The following PPARD variants were observed in gnomAD, a reference collection of about 807,000 sequenced individuals.
PPARD encodes the protein peroxisome proliferator activated receptor delta.
In PPARD, 6 loss-of-function variants were observed where a neutral mutation model predicts 39.5. The ratio of observed to expected loss-of-function variants is 0.15; its 90% CI spans 0.08 to 0.30. The LOEUF (loss-of-function observed/expected upper bound fraction) is 0.30. Among genes scored for constraint, PPARD ranks in the 10% least tolerant of loss-of-function variants. PPARD has a pLI of 1.00. For missense variants in PPARD, 397 were observed against 596.8 expected (o/e 0.67, Z 3.49); for synonymous variants, 210 against 231.3 (o/e 0.91, Z 0.83).
At chr6:35,367,080 C>T (rs1023366305) in intron 2 of PPARD, among the ~76,000 whole-genome samples, 2 of 152,050 alleles carry the variant, frequency 1.3e-5, no homozygotes, top group South Asian at 2.1e-4. Flanking sequence ...AGGTTTTGTC[C>T]GTTCCCTGGA....
Position 35,424,187 on chromosome 6 carries a change from C to T in PPARD, c.627+39C>T, listed in dbSNP as rs2150858766. ...CTGCTTGGCCTGGCAGCATCCTGGG[C>T]TCTGGGTCCCACTGCCGCCTGCCTG... On this transcript the variant is annotated intron_variant, in intron 6 of 7. Coordinates refer to ENST00000360694, the MANE Select transcript of PPARD (RefSeq NM_006238.5). The surrounding 1 kb of genome is among the most constrained non-coding windows in gnomAD (Gnocchi z 7.1). 6.2e-7 allele frequency: 1 copy of T among 1,607,554 alleles called. No homozygotes were observed. The highest frequency in any genetic ancestry group is 8.5e-7 in the Non-Finnish European group (1 of 1,177,660).
At position 35,426,983 on chromosome 6, in the gene PPARD, G is replaced by A. The variant is rs1270809392; in HGVS notation, c.*904G>A. 1.3e-5 allele frequency: 2 copies of A among 152,450 alleles called. No homozygotes were observed. Among genetic ancestry groups the A allele is most frequent in the Admixed American group, 6.5e-5 (1 of 15,292 alleles). The allele number at this position is 152,450 out of a possible 1,614,324, so 9.4% of individuals were successfully genotyped here. A position where few individuals can be genotyped will look rare whatever the true frequency, so the allele number is the denominator to read the frequency against. On this transcript the variant is annotated 3_prime_UTR_variant, in exon 8 of 8. Coordinates refer to ENST00000360694, the MANE Select transcript of PPARD (RefSeq NM_006238.5). ...TGAAGAGGAGCAAGTCTCAAGAGAA[G>A]GAGGGGGGATTGGTGGTTGGAGGAA...
chr6:35,350,612 C>CTTTTTTTTT lies in PPARD; in HGVS notation c.-102+3476_-102+3484dup, dbSNP rs959545502. ...TATTCTGTTCCATTGGTCTATGTGT[C>CTTTTTTTTT]TTTTTTTTTTTTTTTTTTTTTTCTC... On this transcript the variant is annotated intron_variant, in intron 2 of 7. Coordinates refer to ENST00000360694, the MANE Select transcript of PPARD (RefSeq NM_006238.5). Among the ~76,000 whole-genome samples, 14 of 104,588 alleles carry CTTTTTTTTT rather than the reference C, an allele frequency of 1.3e-4. 1 individual carries two copies. The highest frequency in any genetic ancestry group is 2.1e-4 in the African/African-American group (5 of 23,714). The allele number at this position is 104,588 out of a possible 152,430, so 68.6% of individuals were successfully genotyped here.
At position 35,424,060 on chromosome 6, in the gene PPARD, A is replaced by G; in HGVS notation, c.539A>G (p.Lys180Arg). The G allele has an allele frequency of 6.2e-7, 1 of 1,614,188 alleles. No homozygotes were observed. Among genetic ancestry groups the G allele is most frequent in the Non-Finnish European group, 8.5e-7 (1 of 1,180,046 alleles). Reference protein sequence around the residue: ...PQVADLKAFSKHIYNAYLKNF... With the variant: ...PQVADLKAFSRHIYNAYLKNF... ...GTGGCCGACCTGAAGGCCTTCTCCA[A>G]GCACATCTACAATGCCTACCTGAAA... is the stretch of plus-strand genomic sequence containing the variant. Residue 180 changes from lysine to arginine, a missense_variant, in exon 6 of 8, where the codon AAG becomes AGG. Transcript: ENST00000360694. This position sits in a 1 kb window ranked among gnomAD's most constrained non-coding sequence, Gnocchi z 7.1.
intron 2 of PPARD, among the ~76,000 whole-genome samples, chr6:35,350,437 G>A (rs1333619288): frequency 6.6e-6 from 1 of 151,626 alleles, no homozygotes; most frequent in Non-Finnish European, 1.5e-5. Flanking sequence ...ATGGCAAGAG[G>A]TAGGGGTCTA....
At chr6:35,387,576 C>T (rs1054112817) in intron 2 of PPARD, among the ~76,000 whole-genome samples, 1 of 151,326 alleles carries the variant, frequency 6.6e-6, no homozygotes, top group Non-Finnish European at 1.5e-5. Flanking sequence ...CTCTCATGTG[C>T]GTGTGTTTTT....
At position 35,425,543 on chromosome 6, in the gene PPARD, C is replaced by T; in HGVS notation, c.1079-289C>T. 1.2e-6 allele frequency: 1 copy of T among 822,730 alleles called. No homozygotes were observed. Among genetic ancestry groups the T allele is most frequent in the Non-Finnish European group, 1.8e-6 (1 of 569,116 alleles). The allele number at this position is 822,730 out of a possible 1,614,324, so 51.0% of individuals were successfully genotyped here. On this transcript the variant is annotated intron_variant, in intron 7 of 7. Transcript: ENST00000360694. This position sits in a 1 kb window ranked among gnomAD's most constrained non-coding sequence, Gnocchi z 4.5. The stretch of plus-strand genomic sequence containing the variant: ...GAGAGGCTGAATGACCTGCCTATAG[C>T]CTCACAGGCAGACACAGGATTTGAA...
At chr6:35,354,151 G>A (rs993125550) in intron 2 of PPARD, among the ~76,000 whole-genome samples, 2 of 142,788 alleles carry the variant, frequency 1.4e-5, no homozygotes, top group African/African-American at 5.3e-5. Context: ...AGAATGGCAT[G>A]AACCCGGGAG....
intron 2 of PPARD, among the ~76,000 whole-genome samples, chr6:35,409,760 G>A (rs1765302151): frequency 6.6e-6 from 1 of 152,148 alleles, no homozygotes; most frequent in South Asian, 2.1e-4. Flanking sequence ...CCAAGCAAGG[G>A]AAGGCCTGGT....
In PPARD at chr6:35,366,759, AG is replaced by A. The variant is rs548027704; in HGVS notation, c.-102+19611del. On this transcript the variant is annotated intron_variant, in intron 2 of 7. Coordinates refer to ENST00000360694, the MANE Select transcript of PPARD (RefSeq NM_006238.5). The surrounding 1 kb of genome is among the most constrained non-coding windows in gnomAD (Gnocchi z 4.6). ...GAAATGGGGTTTCACGGTGTTGGCC[AG>A]GCTGGTCTTGAACTCCTGGCCTCAA... is the stretch of plus-strand genomic sequence containing the variant. Among the ~76,000 whole-genome samples the A allele has an allele frequency of 3.0e-3, 452 of 152,238 alleles. 1 individual carries two copies. The highest frequency in any genetic ancestry group is 7.6e-3 in the Admixed American group (116 of 15,292).
intron 4 of PPARD, among the ~76,000 whole-genome samples, chr6:35,421,400 C>T (rs541373542): frequency 1.3e-5 from 2 of 151,284 alleles, no homozygotes; most frequent in African/African-American, 4.9e-5. Context: ...TGTAATGGCG[C>T]GATCTTGGCT....
rs144211994 is a variant in PPARD, at chr6:35,425,879, A to T, written c.1126A>T (p.Thr376Ser). The stretch of plus-strand genomic sequence containing the variant: ...TCCACGGGTGGAGGCTATCCAGGAC[A>T]CCATCCTGCGTGCCCTCGAATTCCA... ...NVPRVEAIQD[T>S]ILRALEFHLQ... The change falls in exon 8 of 8, where the codon ACC (threonine) becomes TCC (serine). Residue 376 changes from threonine (T) to serine (S), a missense_variant. Physicochemically the swap from Thr to Ser is moderately conservative, Grantham distance 58 (BLOSUM62 1). Transcript: ENST00000360694. This position sits in a 1 kb window ranked among gnomAD's most constrained non-coding sequence, Gnocchi z 4.5. 2.7e-4 allele frequency: 443 copies of T among 1,613,960 alleles called. No individual in the cohort carries two copies. The highest frequency in any genetic ancestry group is 3.4e-4 in the Non-Finnish European group (402 of 1,180,030).
At chr6:35,388,863 T>G (rs9658100) in intron 2 of PPARD, among the ~76,000 whole-genome samples, 34,712 of 152,162 alleles carry the variant, frequency 0.23, 8,780 homozygotes, top group African/African-American at 0.63. Flanking sequence ...CATTGACTTA[T>G]CAGACATCTA....
intron 2 of PPARD, among the ~76,000 whole-genome samples, chr6:35,403,607 GCTGGGA>G (rs1764838138): frequency 6.6e-6 from 1 of 152,198 alleles, no homozygotes; most frequent in East Asian, 1.9e-4. Context: ...CGTGCCAGGT[GCTGGGA>G]CCTACCTCAG....
intron 2 of PPARD, among the ~76,000 whole-genome samples, chr6:35,359,776 A>G (rs1190322703): frequency 1.3e-5 from 2 of 152,202 alleles, no homozygotes; most frequent in Non-Finnish European, 2.9e-5. Flanking sequence ...TGATTCACAC[A>G]ACAACCCTGA....
intron 2 of PPARD, among the ~76,000 whole-genome samples, chr6:35,396,495 C>T (rs1489962037): frequency 2.7e-5 from 4 of 147,692 alleles, no homozygotes; most frequent in Admixed American, 6.7e-5. Context: ...TGAGCCACCG[C>T]GCCTAGCCCT....
At chr6:35,423,407 G>A (rs1264044033) in intron 5 of PPARD, among the ~76,000 whole-genome samples, 4 of 151,416 alleles carry the variant, frequency 2.6e-5, no homozygotes, top group South Asian at 4.2e-4. Context: ...GGTGGTGGGC[G>A]CCTATAATCC....
In PPARD at chr6:35,425,431, A is replaced by C. The variant is rs1766508153; in HGVS notation, c.1079-401A>C. On this transcript the variant is annotated intron_variant, in intron 7 of 7. Transcript: ENST00000360694. The surrounding 1 kb of genome is among the most constrained non-coding windows in gnomAD (Gnocchi z 4.5). ...GTCTAGAGCTTACTTCATGCCAGGC[A>C]CTGTTCTTTTCATCGATGATGACTC... The C allele has an allele frequency of 1.9e-6, 2 of 1,078,124 alleles. No individual in the cohort carries two copies. Among genetic ancestry groups the C allele is most frequent in the Admixed American group, 9.5e-5 (2 of 21,110 alleles). The allele number at this position is 1,078,124 out of a possible 1,614,324, so 66.8% of individuals were successfully genotyped here.
At chr6:35,381,370 A>G (rs1176746816) in intron 2 of PPARD, among the ~76,000 whole-genome samples, 1 of 152,224 alleles carries the variant, frequency 6.6e-6, no homozygotes, top group Non-Finnish European at 1.5e-5. Flanking sequence ...TGGTTTACTC[A>G]TGAGTCAGTT....
Sources: allele counts gnomAD v4.1 joint callset (sites outside exome capture counted in the v4.1 genomes callset), GRCh38; gene constraint gnomAD v4.1.1; non-coding constraint Gnocchi (gnomAD v3.1); transcripts MANE v1.5; gene names NCBI Gene and HGNC (gene_info 2026-07-23, HGNC 2026-07-21).